Variants in ITGA11 observed in about 807,000 individuals in gnomAD.
ITGA11 encodes integrin subunit alpha 11, also known as integrin alpha-11.
Under a neutral mutation model 141.9 loss-of-function variants are expected in ITGA11, and 97 were observed. That is an observed-to-expected ratio of 0.68 (90% CI 0.58 to 0.81). The LOEUF (loss-of-function observed/expected upper bound fraction) is 0.81, where lower values mean the gene tolerates loss of function less well. Among genes scored for constraint, ITGA11 ranks in the 30% least tolerant of loss-of-function variants. The probability of loss-of-function intolerance (pLI) is 0.00; values close to 1 mark genes in which losing one functional copy is unlikely to be tolerated. For missense variants in ITGA11, 1,387 were observed against 1,559.2 expected, an observed-to-expected ratio of 0.89 and a Z score of 1.86; for synonymous variants, 658 against 624.6, an observed-to-expected ratio of 1.05 and a Z score of -0.80.
Position 68,328,742 on chromosome 15 carries a change from T to C in ITGA11, c.1902-480A>G, listed in dbSNP as rs1894062740. 6.6e-6 allele frequency among the ~76,000 whole-genome samples: 1 copy of C among 152,210 alleles called. No homozygotes were observed. Among genetic ancestry groups the C allele is most frequent in the Admixed American group, 6.5e-5 (1 of 15,282 alleles). ...ATGTGTGCACGCCCCCTGGGGATCA[T>C]GTTAAAATGCAGATTTTGATCCAAT... On this transcript the variant is annotated intron_variant, in intron 15 of 29. Coordinates refer to ENST00000315757, the MANE Select transcript of ITGA11 (RefSeq NM_001004439.2). The surrounding 1 kb of genome is among the most constrained non-coding windows in gnomAD (Gnocchi z 4.8).
chr15:68,327,977 G>T, intron 16 of ITGA11, 119 bp downstream of exon 16: 2 of 931,220 alleles, frequency 2.1e-6, no homozygotes, highest in East Asian at 2.6e-5. Context: ...ATCCAAGGTG[G>T]CTCTTGGGCG....
At chr15:68,323,744 C>A (rs1893881965) in intron 18 of ITGA11, among the ~76,000 whole-genome samples, 1 of 152,168 alleles carries the variant, frequency 6.6e-6, no homozygotes, top group Non-Finnish European at 1.5e-5. Flanking sequence ...GGAATAAAAG[C>A]CCATCCTCCC....
At chr15:68,377,718 C>T (rs959225674) in intron 2 of ITGA11, among the ~76,000 whole-genome samples, 6 of 152,210 alleles carry the variant, frequency 3.9e-5, no homozygotes, top group African/African-American at 9.7e-5. Flanking sequence ...GTGTAACATG[C>T]TTTTTCCATT....
chr15:68,365,113 C>T (rs1287106273), intron 3 of ITGA11: 1 of 981,310 alleles, frequency 1.0e-6, no homozygotes, highest in African/African-American at 1.7e-5. Context: ...CCCCACTTCC[C>T]CGTGTGCCCC....
At position 68,303,070 on chromosome 15, in the gene ITGA11, C is replaced by G. The variant is rs1028805787; in HGVS notation, c.3556G>C (p.Val1186Leu). 6.5e-7 allele frequency: 1 copy of G among 1,550,010 alleles called. No individual in the cohort carries two copies. The highest frequency in any genetic ancestry group is 8.7e-7 in the Non-Finnish European group (1 of 1,146,830). ...REPGLDPTPK[V>L]LE ...TCTCCTCTGGAGCCTCACTCCAGCA[C>G]TTTGGGGGTGGGGTCCAGACCAGGC... Residue 1186 changes from valine (V) to leucine (L), a missense_variant, in exon 30 of 30, where the codon GTG becomes CTG. Transcript: ENST00000315757. This position sits in a 1 kb window ranked among gnomAD's most constrained non-coding sequence, Gnocchi z 5.3.
chr15:68,416,653 C>G (rs188609553), intron 1 of ITGA11, among the ~76,000 whole-genome samples: 1 of 152,152 alleles, frequency 6.6e-6, no homozygotes, highest in African/African-American at 2.4e-5. Context: ...TGGCTGGGTG[C>G]GGTGGCTCAC....
chr15:68,314,563 C>A, intron 22 of ITGA11, among the ~76,000 whole-genome samples: 1 of 152,246 alleles, frequency 6.6e-6, no homozygotes, highest in East Asian at 1.9e-4. Context: ...AAAGGGAGAC[C>A]CAACACACAC....
Position 68,300,696 on chromosome 15 carries a change from G to A in ITGA11, c.*2363C>T, listed in dbSNP as rs1893005638. ...CCTTTTGACCACTTAGTTGGTCTTG[G>A]TGTAGGTCTGGGGAAGGGTGTGAAG... On this transcript the variant is annotated 3_prime_UTR_variant, in exon 30 of 30. Coordinates refer to ENST00000315757, the MANE Select transcript of ITGA11 (RefSeq NM_001004439.2). 6.8e-6 allele frequency: 1 copy of A among 146,300 alleles called. No individual in the cohort carries two copies. The highest frequency in any genetic ancestry group is 2.6e-5 in the African/African-American group (1 of 38,452). 9.1% of individuals were successfully genotyped at this position (146,300 alleles called of 1,614,324 possible).
At chr15:68,398,061 A>G (rs1482009063) in intron 2 of ITGA11, among the ~76,000 whole-genome samples, 1 of 151,768 alleles carries the variant, frequency 6.6e-6, no homozygotes, top group Non-Finnish European at 1.5e-5. Flanking sequence ...GCCAAAATGT[A>G]AAGACCATCA....
In ITGA11 at chr15:68,369,228, T is replaced by A. The variant is rs774291092; in HGVS notation, c.221A>T (p.Tyr74Phe). Residue 74 changes from tyrosine to phenylalanine, a missense_variant, in exon 3 of 30, where the codon TAC (tyrosine) becomes TTC (phenylalanine). Coordinates refer to ENST00000315757, the MANE Select transcript of ITGA11 (RefSeq NM_001004439.2). ...TNGYQKTGDV[Y>F]KCPVIHGNCT... Reference sequence around the variant, plus strand: ...GTTCCCGTGGATCACTGGACACTTGTACACGTCTCCCGTCTTCTGGTAGCC... The same window carrying A: ...GTTCCCGTGGATCACTGGACACTTGAACACGTCTCCCGTCTTCTGGTAGCC... 1.9e-5 allele frequency: 30 copies of A among 1,613,864 alleles called. No individual in the cohort carries two copies. The highest frequency in any genetic ancestry group is 4.0e-5 in the African/African-American group (3 of 74,918).
rs779516638 is a variant in ITGA11, at chr15:68,364,710, G to A, written c.354C>T (p.Phe118=). Residue 118 remains phenylalanine (F), a synonymous_variant, in exon 4 of 30, where the codon TTC becomes TTT. Coordinates refer to ENST00000315757, the MANE Select transcript of ITGA11 (RefSeq NM_001004439.2). Reference sequence around the variant, plus strand: ...AGCAGTGGCAGGTGGCTCTTACCAGGAAGCTGTTGTCCTTGGGGTTGGTGG... The same window carrying A: ...AGCAGTGGCAGGTGGCTCTTACCAGAAAGCTGTTGTCCTTGGGGTTGGTGG... ...SLATNPKDNS[F]LACSPLWSHE... is the part of the protein sequence containing the mutation. The A allele has an allele frequency of 1.4e-5, 23 of 1,613,390 alleles. No homozygotes were observed. Among genetic ancestry groups the A allele is most frequent in the Middle Eastern group, 3.3e-4 (2 of 6,024 alleles).
rs1894940728 is a variant in ITGA11 at position 68,352,324 on chromosome 15, C to G, written c.750-922G>C. Among the ~76,000 whole-genome samples the G allele has an allele frequency of 2.0e-5, 3 of 151,720 alleles. No individual in the cohort carries two copies. In the South Asian group the frequency reaches 6.3e-4, roughly 32 times the overall value. On this transcript the variant is annotated intron_variant, in intron 7 of 29. Transcript: ENST00000315757. ...TCTCGTGCCTCAGTCTCCTAAGTAG[C>G]TGGGATTAGAGAGCTCTGCCACCAC...
In ITGA11 at chr15:68,299,477, G is replaced by A. The variant is rs1418195165; in HGVS notation, c.*3582C>T. The A allele has an allele frequency of 6.6e-6, 1 of 151,378 alleles. No homozygotes were observed. The highest frequency in any genetic ancestry group is 2.4e-5 in the African/African-American group (1 of 41,142). The allele number at this position is 151,378 out of a possible 1,614,324, so 9.4% of individuals were successfully genotyped here. A position where few individuals can be genotyped will look rare whatever the true frequency, so the allele number is the denominator to read the frequency against. On this transcript the variant is annotated 3_prime_UTR_variant, in exon 30 of 30. Coordinates refer to ENST00000315757, the MANE Select transcript of ITGA11 (RefSeq NM_001004439.2). Reference sequence around the variant, plus strand: ...AGGATAAAAGGCTGGAACCACATTAGCCGAAGGTAAAAGCAAAGACTGGTG... The same window carrying A: ...AGGATAAAAGGCTGGAACCACATTAACCGAAGGTAAAAGCAAAGACTGGTG...
chr15:68,386,197 T>C (rs1349380581), intron 2 of ITGA11, among the ~76,000 whole-genome samples: 25 of 152,144 alleles, frequency 1.6e-4, no homozygotes, highest in Non-Finnish European at 1.5e-5. Context: ...CCAGCCCTGG[T>C]CCACTTCAGG....
At chr15:68,427,998 C>A (rs1212733544) in intron 1 of ITGA11, among the ~76,000 whole-genome samples, 1 of 152,090 alleles carries the variant, frequency 6.6e-6, no homozygotes, top group Admixed American at 6.5e-5. Context: ...TTTTAAGGCT[C>A]ATTTTGTAGC....
Position 68,325,927 on chromosome 15 carries a change from G to GTTAAAA in ITGA11, c.2212-687_2212-686insTTTTAA, listed in dbSNP as rs1567129660. 4.7e-5 allele frequency among the ~76,000 whole-genome samples: 7 copies of GTTAAAA among 150,044 alleles called. No individual in the cohort carries two copies. The highest frequency in any genetic ancestry group is 7.6e-5 in the African/African-American group (3 of 39,504). On this transcript the variant is annotated intron_variant, in intron 17 of 29. Coordinates refer to ENST00000315757, the MANE Select transcript of ITGA11 (RefSeq NM_001004439.2). The surrounding 1 kb of genome is among the most constrained non-coding windows in gnomAD (Gnocchi z 5.5). ...GCTTGTTAAAACACAGGGTGCTGGC[G>GTTAAAA]CCAGCCCCAGCCCCAGCCCCAGAGT...
Position 68,321,620 on chromosome 15 carries a change from C to T in ITGA11, c.2323-117G>A, listed in dbSNP as rs148937309. 2,297 of 525,174 alleles carry T rather than the reference C, an allele frequency of 4.4e-3. 13 individuals are homozygous for T. Among genetic ancestry groups the T allele is most frequent in the Admixed American group, 5.9e-3 (154 of 26,070 alleles). 32.5% of individuals were successfully genotyped at this position (525,174 alleles called of 1,614,324 possible). A position where few individuals can be genotyped will look rare whatever the true frequency, so the allele number is the denominator to read the frequency against. ...ACATGGGCTGGCTTTCCTGCACTGT[C>T]CCCAGACACCACACTGCTCTGTCTT... On this transcript the variant is annotated intron_variant, in intron 18 of 29. Coordinates refer to ENST00000315757, the MANE Select transcript of ITGA11 (RefSeq NM_001004439.2). The surrounding 1 kb of genome is among the most constrained non-coding windows in gnomAD (Gnocchi z 4.9).
rs1385499339 is a variant in ITGA11, at chr15:68,328,823, T to C, written c.1902-561A>G. Among the ~76,000 whole-genome samples, 1 of 152,198 alleles carries C rather than the reference T, an allele frequency of 6.6e-6. No individual in the cohort carries two copies. The highest frequency in any genetic ancestry group is 1.9e-4 in the East Asian group (1 of 5,184). On this transcript the variant is annotated intron_variant, in intron 15 of 29. Coordinates refer to ENST00000315757, the MANE Select transcript of ITGA11 (RefSeq NM_001004439.2). This position sits in a 1 kb window ranked among gnomAD's most constrained non-coding sequence, Gnocchi z 4.8. ...GATCCCAGGTGATGTGAACGTTCCA[T>C]GGACCACACTTCGAAGAGCGAGGCG...
rs1415104489 is a variant in ITGA11, at chr15:68,400,718, ATT to A, written c.164+2198_164+2199del. On this transcript the variant is annotated intron_variant, in intron 2 of 29. Transcript: ENST00000315757. ...ATATATTATATAATAAATATTATATATTATATAATAAATATTATATATTATAT... is the reference window on the plus strand; with the variant it reads ...ATATATTATATAATAAATATTATATAATATAATAAATATTATATATTATAT... Among the ~76,000 whole-genome samples, 3 of 22,962 alleles carry A rather than the reference ATT, an allele frequency of 1.3e-4. 1 individual carries two copies. The highest frequency in any genetic ancestry group is 8.5e-4 in the African/African-American group (3 of 3,526). 15.1% of individuals were successfully genotyped at this position (22,962 alleles called of 152,430 possible). A position where few individuals can be genotyped will look rare whatever the true frequency, so the allele number is the denominator to read the frequency against.
Sources: gnomAD v4.1 joint callset for allele counts (sites outside exome capture counted in the v4.1 genomes callset) on GRCh38, gnomAD v4.1.1 for gene constraint, Gnocchi (gnomAD v3.1) non-coding constraint, MANE v1.5 for transcripts, NCBI Gene and HGNC (gene_info 2026-07-23, HGNC 2026-07-21) for gene names.